ERCC6L2: variants seen among roughly 807,000 people sequenced by gnomAD.
ERCC6L2 encodes DNA excision repair protein ERCC-6-like 2.
Under a neutral mutation model 132.0 loss-of-function variants are expected in ERCC6L2, and 77 were observed. The observed-to-expected ratio is 0.58, with a 90% confidence interval of 0.49 to 0.71. ERCC6L2 has a LOEUF of 0.71. Ranked by LOEUF, ERCC6L2 falls within the 30% of genes least tolerant of loss-of-function variation. The probability of loss-of-function intolerance (pLI) is 0.00; values close to 1 mark genes in which losing one functional copy is unlikely to be tolerated. For synonymous variants in ERCC6L2, 583 were observed against 632.4 expected, an observed-to-expected ratio of 0.92 and a Z score of 1.17; for missense variants, 1,542 against 1,837.6, an observed-to-expected ratio of 0.84 and a Z score of 2.94.
chr9:95,887,525 C>T (rs1197029685), intron 2 of ERCC6L2, among the ~76,000 whole-genome samples: 1 of 152,044 alleles, frequency 6.6e-6, no homozygotes, highest in African/African-American at 2.4e-5. Context: ...ATCTGCTATG[C>T]AAAGAAGATA....
At chr9:96,000,580 T>G (rs1833632554) in intron 17 of ERCC6L2, among the ~76,000 whole-genome samples, 1 of 152,214 alleles carries the variant, frequency 6.6e-6, no homozygotes, top group Admixed American at 6.5e-5. Context: ...TTTGTGGAAT[T>G]AAAAGTCATT....
intron 2 of ERCC6L2, 143 bp from the exon 3 acceptor site, chr9:95,897,706 C>G: frequency 2.6e-6 from 2 of 781,742 alleles, no homozygotes; most frequent in Non-Finnish European, 4.0e-6. Flanking sequence ...TAAAGAAAAT[C>G]AGTACTAATA....
intron 13 of ERCC6L2, among the ~76,000 whole-genome samples, chr9:95,957,562 CA>C (rs1831671376): frequency 6.6e-6 from 1 of 151,956 alleles, no homozygotes; most frequent in Non-Finnish European, 1.5e-5. Flanking sequence ...AGTCTTTCCT[CA>C]ATTATGTAGT....
chr9:95,964,057 A>C (rs765586633), intron 13 of ERCC6L2, among the ~76,000 whole-genome samples: 79 of 152,242 alleles, frequency 5.2e-4, no homozygotes, highest in Non-Finnish European at 8.4e-4. Context: ...TCAGACCTGC[A>C]CGCATAACCC....
Position 96,004,684 on chromosome 9 carries a change from A to G in ERCC6L2, c.3657A>G (p.Thr1219=). 7.4e-7 allele frequency: 1 copy of G among 1,343,130 alleles called. No homozygotes were observed. Among genetic ancestry groups the G allele is most frequent in the Non-Finnish European group, 9.9e-7 (1 of 1,008,642 alleles). 83.2% of individuals were successfully genotyped at this position (1,343,130 alleles called of 1,614,324 possible). A position where few individuals can be genotyped will look rare whatever the true frequency, so the allele number is the denominator to read the frequency against. ...AGACCACCTTCATAATTGGAGAAAC[A>G]CCAAAAGGAATCCGCAGGTATATTG... ...TNQTTFIIGE[T]PKGIRRKQFE... is the part of the protein sequence containing the mutation. The change falls in exon 18 of 19, where the codon ACA becomes ACG. Residue 1219 remains threonine (T), a synonymous_variant. Coordinates refer to ENST00000653738, the MANE Select transcript of ERCC6L2 (RefSeq NM_020207.7).
At chr9:95,926,780 T>C (rs1292108238) in intron 9 of ERCC6L2, among the ~76,000 whole-genome samples, 1 of 152,124 alleles carries the variant, frequency 6.6e-6, no homozygotes, top group Non-Finnish European at 1.5e-5. Flanking sequence ...TTATGGACTT[T>C]AGCTAATAAT....
At position 95,916,474 on chromosome 9, in the gene ERCC6L2, TA is replaced by T. The variant is rs1454862166; in HGVS notation, c.1158+41del. 7.1e-6 allele frequency: 10 copies of T among 1,413,088 alleles called. No homozygotes were observed. The African/African-American group carries it at 7.4e-5, about 10-fold the overall frequency. The allele number at this position is 1,413,088 out of a possible 1,614,324, so 87.5% of individuals were successfully genotyped here. ...TGTATATATTATTAATTTGTGGTCA[TA>T]TTTTTTTTTTCCTTTTTAAGAAAAA... On this transcript the variant is annotated intron_variant, in intron 6 of 18. Transcript: ENST00000653738.
At position 96,036,206 on chromosome 9, in the gene ERCC6L2, G is replaced by A. The variant is rs541725421; in HGVS notation, c.*1504-2670G>A. 6.0e-5 allele frequency among the ~76,000 whole-genome samples: 9 copies of A among 151,150 alleles called. 1 individual carries two copies. Among genetic ancestry groups the A allele is most frequent in the South Asian group, 2.1e-4 (1 of 4,758 alleles). On this transcript the variant is annotated intron_variant and NMD_transcript_variant, in intron 19 of 20. Transcript: ENST00000670016. ...ATTTAACAGCATCTCCCCATTTCCC[G>A]CCCCCAGCCCCCAGCAACAACCCTT... is the stretch of plus-strand genomic sequence containing the variant.
chr9:95,920,011 T>G (rs1277658301), intron 6 of ERCC6L2, among the ~76,000 whole-genome samples: 1 of 152,220 alleles, frequency 6.6e-6, no homozygotes, highest in Non-Finnish European at 1.5e-5. Context: ...TTCTGATTAT[T>G]TGAGACTGCT....
At chr9:95,974,499 A>G (rs1832575213) in intron 16 of ERCC6L2, among the ~76,000 whole-genome samples, 1 of 152,184 alleles carries the variant, frequency 6.6e-6, no homozygotes, top group Admixed American at 6.5e-5. Flanking sequence ...GCATTTTGGC[A>G]TGCTGCTAGT....
chr9:95,998,031 G>A lies in ERCC6L2; in HGVS notation c.3493-6489G>A, dbSNP rs566993912. Among the ~76,000 whole-genome samples, 4 of 152,238 alleles carry A rather than the reference G, an allele frequency of 2.6e-5. No individual in the cohort carries two copies. In the East Asian group the frequency reaches 5.8e-4, roughly 22 times the overall value. ...TGTTTTTCAAAAGACAAGAATATTC[G>A]AAAAGTATACCAATGGTGCTGCTGC... On this transcript the variant is annotated intron_variant, in intron 17 of 18. Coordinates refer to ENST00000653738, the MANE Select transcript of ERCC6L2 (RefSeq NM_020207.7).
chr9:95,943,226 C>G (rs1014118131), intron 12 of ERCC6L2, among the ~76,000 whole-genome samples: 11 of 151,990 alleles, frequency 7.2e-5, no homozygotes, highest in African/African-American at 2.2e-4. Context: ...GTAACAAGAA[C>G]TAAAATGTTA....
intron 9 of ERCC6L2, among the ~76,000 whole-genome samples, chr9:95,926,921 T>C (rs1254163813): frequency 2.6e-5 from 4 of 151,938 alleles, no homozygotes; most frequent in East Asian, 3.9e-4. Context: ...AGGTTGGAAG[T>C]AGGGAAAGAG....
intron 6 of ERCC6L2, among the ~76,000 whole-genome samples, chr9:95,920,354 T>C (rs553095290): frequency 6.6e-6 from 1 of 152,234 alleles, no homozygotes; most frequent in Non-Finnish European, 1.5e-5. Flanking sequence ...AGTAAAGATA[T>C]TTTCACTTTT....
chr9:96,014,861 A>C lies in ERCC6L2; in HGVS notation c.*1658A>C, dbSNP rs1834144751. On this transcript the variant is annotated 3_prime_UTR_variant, in exon 19 of 19. Transcript: ENST00000653738. ...ATAGACTTGACTTGTAGATGTTTTC[A>C]GCCTACAATGTGATCAGCTATCTGA... Among the ~76,000 whole-genome samples the C allele has an allele frequency of 6.6e-6, 1 of 152,192 alleles. No individual in the cohort carries two copies. Among genetic ancestry groups the C allele is most frequent in the Non-Finnish European group, 1.5e-5 (1 of 68,040 alleles).
At chr9:95,988,608 T>C (rs1307949388) in intron 17 of ERCC6L2, among the ~76,000 whole-genome samples, 1 of 152,178 alleles carries the variant, frequency 6.6e-6, no homozygotes, top group East Asian at 1.9e-4. Flanking sequence ...TTTTGGCAAA[T>C]ATCCTCCAGA....
intron 13 of ERCC6L2, among the ~76,000 whole-genome samples, chr9:95,963,113 A>C (rs1411994981): frequency 6.6e-6 from 1 of 151,926 alleles, no homozygotes. Context: ...GCATTTAAAC[A>C]ATCTAAAGTT....
chr9:95,916,507 C>T, intron 6 of ERCC6L2, 73 bp downstream of exon 6: 1 of 1,244,166 alleles, frequency 8.0e-7, no homozygotes, highest in Non-Finnish European at 1.1e-6. Context: ...AAAAGTCTGT[C>T]TCCTGTGGCA....
chr9:95,916,566 T>TG, intron 6 of ERCC6L2, 132 bp downstream of exon 6: 2 of 662,366 alleles, frequency 3.0e-6, no homozygotes, highest in Non-Finnish European at 4.7e-6. Context: ...AAAAAATTGT[T>TG]GCGCGCAGAA....
Sources: allele counts gnomAD v4.1 joint callset (sites outside exome capture counted in the v4.1 genomes callset), GRCh38; gene constraint gnomAD v4.1.1; transcripts MANE v1.5; gene names NCBI Gene and HGNC (gene_info 2026-07-23, HGNC 2026-07-21).